The following TMEM163 variants were observed in gnomAD, a reference collection of about 807,000 sequenced individuals.
The protein encoded by TMEM163 is transmembrane protein 163.
Under a neutral mutation model 29.3 loss-of-function variants are expected in TMEM163, and 17 were observed. That is an observed-to-expected ratio of 0.58 (90% CI 0.40 to 0.87). The LOEUF (loss-of-function observed/expected upper bound fraction) is 0.87. Ranked by LOEUF, TMEM163 falls within the 40% of genes least tolerant of loss-of-function variation. TMEM163 has a pLI of 0.00. For missense variants in TMEM163, 303 were observed against 381.5 expected (o/e 0.79, Z 1.71); for synonymous variants, 157 against 160.6 (o/e 0.98, Z 0.17).
chr2:134,608,559 C>T (rs1167523225), intron 2 of TMEM163, among the ~76,000 whole-genome samples: 2 of 41,206 alleles, frequency 4.9e-5, no homozygotes. Flanking sequence ...GGACAGACCC[C>T]GAGAACTGTG....
chr2:134,490,166 G>T (rs1679399455), intron 5 of TMEM163, among the ~76,000 whole-genome samples: 1 of 152,162 alleles, frequency 6.6e-6, no homozygotes. Flanking sequence ...TCTACATGAG[G>T]TGTCATCGGA....
At chr2:134,497,181 T>C (rs1400761343) in intron 5 of TMEM163, among the ~76,000 whole-genome samples, 3 of 152,188 alleles carry the variant, frequency 2.0e-5, no homozygotes, top group Admixed American at 6.5e-5. Context: ...CCAACTGTGC[T>C]CCTTGGTAGC....
chr2:134,714,831 G>C (rs1204974711), intron 1 of TMEM163, among the ~76,000 whole-genome samples: 2 of 152,144 alleles, frequency 1.3e-5, no homozygotes, highest in Non-Finnish European at 2.9e-5. Flanking sequence ...CCAGGTACAA[G>C]TAATTTAAAT....
At chr2:134,693,037 C>T (rs375424333) in intron 2 of TMEM163, among the ~76,000 whole-genome samples, 46 of 152,238 alleles carry the variant, frequency 3.0e-4, no homozygotes, top group African/African-American at 1.1e-3. Flanking sequence ...TACTGCCAGG[C>T]CATAACCCAG....
intron 4 of TMEM163, among the ~76,000 whole-genome samples, chr2:134,529,236 C>A (rs1680362313): frequency 6.6e-6 from 1 of 152,118 alleles, no homozygotes; most frequent in African/African-American, 2.4e-5. Flanking sequence ...GAGGCTGAGA[C>A]AGGAGGATCA....
At chr2:134,689,119 T>G (rs1207972248) in intron 2 of TMEM163, among the ~76,000 whole-genome samples, 3 of 150,448 alleles carry the variant, frequency 2.0e-5, no homozygotes, top group African/African-American at 7.3e-5. Context: ...TGTTTTTTTT[T>G]TTTTTTTGAG....
chr2:134,482,997 C>A (rs955825260), intron 5 of TMEM163, among the ~76,000 whole-genome samples: 1 of 152,024 alleles, frequency 6.6e-6, no homozygotes. Flanking sequence ...AGCAGACACT[C>A]AGCTCCAGGG....
chr2:134,482,174 C>T (rs887402675), intron 5 of TMEM163, among the ~76,000 whole-genome samples: 12 of 152,310 alleles, frequency 7.9e-5, no homozygotes, highest in East Asian at 1.9e-4. Context: ...AGTCTCATCT[C>T]AAAGATAAGA....
At position 134,707,870 on chromosome 2, in the gene TMEM163, G is replaced by C. The variant is rs531075478; in HGVS notation, c.322+5330C>G. Among the ~76,000 whole-genome samples, 303 of 151,890 alleles carry C rather than the reference G, an allele frequency of 2.0e-3. 6 individuals carry two copies. The highest frequency in any genetic ancestry group is 0.017 in the Admixed American group (258 of 15,226). ...AGAAGTTTGGGGTGTCTGAAAAAAGGGGGGCAAAAGTCAGGGCAGACCAGA... is the reference window on the plus strand; with the variant it reads ...AGAAGTTTGGGGTGTCTGAAAAAAGCGGGGCAAAAGTCAGGGCAGACCAGA... On this transcript the variant is annotated intron_variant, in intron 2 of 7. Coordinates refer to ENST00000281924, the MANE Select transcript of TMEM163 (RefSeq NM_030923.5).
intron 2 of TMEM163, among the ~76,000 whole-genome samples, chr2:134,701,649 C>T (rs1452587334): frequency 6.6e-5 from 10 of 152,192 alleles, no homozygotes; most frequent in Non-Finnish European, 1.0e-4. Flanking sequence ...GTGGCTCATG[C>T]CTGTAATCCC....
chr2:134,666,174 AC>A (rs1164933183), intron 2 of TMEM163, among the ~76,000 whole-genome samples: 2 of 151,908 alleles, frequency 1.3e-5, no homozygotes, highest in African/African-American at 2.4e-5. Context: ...AATCCCACCC[AC>A]CACCACCTTC....
chr2:134,620,349 C>T (rs549723848), intron 2 of TMEM163, among the ~76,000 whole-genome samples: 23 of 151,964 alleles, frequency 1.5e-4, no homozygotes, highest in East Asian at 1.9e-4. Flanking sequence ...CTCCACCTCC[C>T]GGGTTCAAGC....
chr2:134,569,966 C>T (rs530414328), intron 2 of TMEM163, among the ~76,000 whole-genome samples: 2 of 152,076 alleles, frequency 1.3e-5, no homozygotes, highest in Admixed American at 6.5e-5. Context: ...ACTCCCTGCC[C>T]GTTGGTCACT....
At chr2:134,708,544 C>T (rs1558999964) in intron 2 of TMEM163, among the ~76,000 whole-genome samples, 1 of 151,578 alleles carries the variant, frequency 6.6e-6, no homozygotes, top group Non-Finnish European at 1.5e-5. Context: ...TCTACAGCTG[C>T]ACCTAATTTT....
intron 2 of TMEM163, among the ~76,000 whole-genome samples, chr2:134,653,747 T>A (rs1683535747): frequency 1.9e-5 from 2 of 102,920 alleles, no homozygotes; most frequent in South Asian, 2.8e-4. Context: ...TTAAGTTGTG[T>A]CTTTGTTCTC....
At chr2:134,471,705 G>C (rs1686805691) in intron 5 of TMEM163, among the ~76,000 whole-genome samples, 1 of 152,192 alleles carries the variant, frequency 6.6e-6, no homozygotes, top group Non-Finnish European at 1.5e-5. Context: ...CGTGTAGGCT[G>C]TTCCACCACT....
At chr2:134,533,088 CAA>C (rs1374378664) in intron 4 of TMEM163, among the ~76,000 whole-genome samples, 3 of 146,838 alleles carry the variant, frequency 2.0e-5, no homozygotes, top group Admixed American at 6.9e-5. Flanking sequence ...AAGAAATAAA[CAA>C]AGAGGTGTGC....
intron 4 of TMEM163, among the ~76,000 whole-genome samples, chr2:134,547,729 G>A (rs1022489433): frequency 5.3e-5 from 8 of 152,180 alleles, no homozygotes; most frequent in African/African-American, 1.7e-4. Flanking sequence ...GAATTCATTG[G>A]CATTGGCATT....
chr2:134,681,103 T>C (rs1383639337), intron 2 of TMEM163, among the ~76,000 whole-genome samples: 1 of 152,174 alleles, frequency 6.6e-6, no homozygotes, highest in Non-Finnish European at 1.5e-5. Context: ...TCCCATCATT[T>C]CCCAAGTCAT....
Sources: gnomAD v4.1 joint callset for allele counts (sites outside exome capture counted in the v4.1 genomes callset) on GRCh38, gnomAD v4.1.1 for gene constraint, MANE v1.5 for transcripts, NCBI Gene and HGNC (gene_info 2026-07-23, HGNC 2026-07-21) for gene names.